LRRFIP1: variants seen among roughly 807,000 people sequenced by gnomAD.
LRRFIP1 encodes the protein leucine-rich repeat flightless-interacting protein 1.
A neutral mutation model predicts 104.4 loss-of-function variants in LRRFIP1; 62 were observed. The observed-to-expected ratio is 0.59, with a 90% CI of 0.48 to 0.73. The LOEUF (loss-of-function observed/expected upper bound fraction) is 0.73. Ranked by LOEUF, LRRFIP1 falls within the 30% of genes least tolerant of loss-of-function variation. The pLI is 0.00. For synonymous variants in LRRFIP1, 300 were observed against 299.0 expected, an observed-to-expected ratio of 1.00 and a Z score of -0.03; for missense variants, 796 against 824.5, an observed-to-expected ratio of 0.97 and a Z score of 0.42.
intron 1 of LRRFIP1, among the ~76,000 whole-genome samples, chr2:237,678,480 G>T (rs548318788): frequency 6.6e-6 from 1 of 152,014 alleles, no homozygotes; most frequent in Admixed American, 6.6e-5. Context: ...GGGTACATCA[G>T]ATTTAGATTA....
chr2:237,681,678 C>CTCTTTTTTTTTTTT, intron 1 of LRRFIP1, among the ~76,000 whole-genome samples: 1 of 44,908 alleles, frequency 2.2e-5, no homozygotes, highest in Non-Finnish European at 4.4e-5. Flanking sequence ...CAGTCCTATT[C>CTCTTTTTTTTTTTT]TTTTTTTTTT....
intron 1 of LRRFIP1, among the ~76,000 whole-genome samples, chr2:237,658,655 G>A (rs567385311): frequency 6.6e-6 from 1 of 152,278 alleles, no homozygotes; most frequent in East Asian, 1.9e-4. Context: ...GGGAACCAAG[G>A]CACCTTCTTC....
At chr2:237,708,974 A>G (rs2093950473) in intron 2 of LRRFIP1, among the ~76,000 whole-genome samples, 1 of 152,242 alleles carries the variant, frequency 6.6e-6, no homozygotes, top group Non-Finnish European at 1.5e-5. Context: ...TAAAGTGGAA[A>G]AGAAGAACGG....
At chr2:237,737,447 G>A (rs3769075) in intron 10 of LRRFIP1, among the ~76,000 whole-genome samples, 2,776 of 152,290 alleles carry the variant, frequency 0.018, 85 homozygotes, top group African/African-American at 0.061. Flanking sequence ...TAAGGTGCAC[G>A]TGGACCGTGG....
intron 2 of LRRFIP1, 102 bp downstream of exon 2, chr2:237,708,732 T>A: frequency 7.8e-7 from 1 of 1,274,292 alleles, no homozygotes; most frequent in Non-Finnish European, 1.1e-6. Flanking sequence ...CCTGGCTGTC[T>A]CACGTTGCTC....
chr2:237,677,964 A>T (rs1430666277), intron 1 of LRRFIP1, among the ~76,000 whole-genome samples: 1 of 152,254 alleles, frequency 6.6e-6, no homozygotes, highest in Non-Finnish European at 1.5e-5. Flanking sequence ...TTATATTAAA[A>T]ACATATTTAT....
chr2:237,656,752 G>A (rs750593086), intron 1 of LRRFIP1, among the ~76,000 whole-genome samples: 4 of 152,204 alleles, frequency 2.6e-5, no homozygotes, highest in Non-Finnish European at 5.9e-5. Context: ...AGAAGAGCAT[G>A]CATTTTACTT....
At chr2:237,773,536 AAAAAT>A (rs748878653) in intron 22 of LRRFIP1, among the ~76,000 whole-genome samples, 19 of 152,254 alleles carry the variant, frequency 1.2e-4, no homozygotes, top group East Asian at 1.2e-3. Flanking sequence ...ACTCTGTCTC[AAAAAT>A]AAAATAAAAT....
intron 5 of LRRFIP1, 109 bp from the exon 6 acceptor site, chr2:237,720,663 C>T: frequency 1.1e-6 from 1 of 923,622 alleles, no homozygotes; most frequent in Non-Finnish European, 1.8e-6. Flanking sequence ...GGCCCCCTCA[C>T]TGCTGTGGGT....
intron 7 of LRRFIP1, among the ~76,000 whole-genome samples, chr2:237,725,274 T>TG (rs1008991917): frequency 4.6e-5 from 7 of 152,100 alleles, no homozygotes; most frequent in Non-Finnish European, 1.0e-4. Flanking sequence ...ATGCCAGGTG[T>TG]CCAGGAAGCA....
chr2:237,660,228 A>G (rs1292753308), intron 1 of LRRFIP1, among the ~76,000 whole-genome samples: 1 of 152,234 alleles, frequency 6.6e-6, no homozygotes, highest in East Asian at 1.9e-4. Flanking sequence ...GGAACTACAC[A>G]TGGCTCTAAA....
At chr2:237,685,686 A>C (rs1224661663) in intron 1 of LRRFIP1, among the ~76,000 whole-genome samples, 2 of 152,058 alleles carry the variant, frequency 1.3e-5, no homozygotes, top group Non-Finnish European at 2.9e-5. Context: ...CCCCACACCC[A>C]GCCTTTGGTC....
chr2:237,653,692 A>G (rs1419472596), intron 1 of LRRFIP1, among the ~76,000 whole-genome samples: 2 of 152,226 alleles, frequency 1.3e-5, no homozygotes, highest in African/African-American at 4.8e-5. Context: ...GCGAGCCCAG[A>G]AATAAATCCA....
In LRRFIP1 at chr2:237,681,678, CTTTTT is replaced by C. The variant is rs1172576547; in HGVS notation, c.97-26851_97-26847del. Among the ~76,000 whole-genome samples the C allele has an allele frequency of 1.3e-4, 6 of 44,900 alleles. 2 individuals carry two copies. The highest frequency in any genetic ancestry group is 1.6e-3 in the South Asian group (2 of 1,242). 29.5% of individuals were successfully genotyped at this position (44,900 alleles called of 152,430 possible). Reference sequence around the variant, plus strand: ...CACCGTGCCCGGCCGCAGTCCTATTCTTTTTTTTTTTTTTTTTTTGAGACGGAGTC... The same window carrying C: ...CACCGTGCCCGGCCGCAGTCCTATTCTTTTTTTTTTTTTTGAGACGGAGTC... On this transcript the variant is annotated intron_variant, in intron 1 of 23. Coordinates refer to ENST00000308482, the MANE Select transcript of LRRFIP1 (RefSeq NM_001137550.2).
chr2:237,779,235 T>A (rs1478209653), intron 23 of LRRFIP1, 187 bp from the exon 24 acceptor site: 13 of 553,132 alleles, frequency 2.4e-5, no homozygotes, highest in Non-Finnish European at 2.8e-5. Context: ...AAGAAAACCA[T>A]CAGGATCCCC....
intron 11 of LRRFIP1, among the ~76,000 whole-genome samples, chr2:237,746,062 A>AT (rs201079085): frequency 0.078 from 11,001 of 140,988 alleles, 486 homozygotes; most frequent in East Asian, 0.13. Flanking sequence ...TATTTTATTT[A>AT]TTTTTTTTTT....
chr2:237,730,215 C>G (rs1182726864), intron 8 of LRRFIP1, among the ~76,000 whole-genome samples: 1 of 152,236 alleles, frequency 6.6e-6, no homozygotes. Context: ...AGAGTACATG[C>G]AAACTTTGTG....
intron 1 of LRRFIP1, among the ~76,000 whole-genome samples, chr2:237,630,478 G>A (rs571759463): frequency 3.3e-5 from 5 of 152,324 alleles, no homozygotes; most frequent in Admixed American, 6.5e-5. Context: ...GATCAATAAT[G>A]CTAACCGAAG....
At chr2:237,681,816 A>G (rs2091870672) in intron 1 of LRRFIP1, among the ~76,000 whole-genome samples, 1 of 145,020 alleles carries the variant, frequency 6.9e-6, no homozygotes, top group Admixed American at 6.9e-5. Flanking sequence ...AGTAGCTGGG[A>G]CTACAGGCGC....
Sources: gnomAD v4.1 joint callset for allele counts (sites outside exome capture counted in the v4.1 genomes callset) on GRCh38, gnomAD v4.1.1 for gene constraint, MANE v1.5 for transcripts, NCBI Gene and HGNC (gene_info 2026-07-23, HGNC 2026-07-21) for gene names.